TMEM120B: variants seen among roughly 807,000 people sequenced by gnomAD.
TMEM120B encodes the protein transmembrane protein 120B.
Under a neutral mutation model 55.5 loss-of-function variants are expected in TMEM120B, and 31 were observed. That is an observed-to-expected ratio of 0.56 (90% CI 0.42 to 0.75). TMEM120B has a LOEUF of 0.75. Among genes scored for constraint, TMEM120B ranks in the 30% least tolerant of loss-of-function variants. The pLI is 0.00. For synonymous variants in TMEM120B, 203 were observed against 176.3 expected (o/e 1.15, Z -1.20); for missense variants, 399 against 425.5 (o/e 0.94, Z 0.55).
In TMEM120B at chr12:121,748,440, CG is replaced by C; in HGVS notation, c.305+1del. On this transcript the variant is annotated frameshift_variant and splice_region_variant, in exon 3 of 12. Coordinates refer to ENST00000449592, the MANE Select transcript of TMEM120B (RefSeq NM_001080825.2). LOFTEE classifies it high-confidence loss of function. ...TGGAGGCCTACCTGCCCAAGAAGAA[CG>C]GGTAGGAGCTGGCAACCTCCCCACC... ...DMEAYLPKKN[G>X]LYLNLVLGNV... 6.2e-7 allele frequency: 1 copy of C among 1,604,160 alleles called. No individual in the cohort carries two copies. Among genetic ancestry groups the C allele is most frequent in the Non-Finnish European group, 8.5e-7 (1 of 1,174,056 alleles).
chr12:121,778,392 A>C lies in TMEM120B; in HGVS notation c.*2670A>C, dbSNP rs1166475591. ...CTTGAACCCAGGAGGTGGAGCTTGC[A>C]GTGAGCCAAGATCATGCCACTGCAC... On this transcript the variant is annotated 3_prime_UTR_variant, in exon 12 of 12. Coordinates refer to ENST00000449592, the MANE Select transcript of TMEM120B (RefSeq NM_001080825.2). 3 of 149,514 alleles carry C rather than the reference A, an allele frequency of 2.0e-5. No homozygotes were observed. Among genetic ancestry groups the C allele is most frequent in the Non-Finnish European group, 4.4e-5 (3 of 67,838 alleles). 9.3% of individuals were successfully genotyped at this position (149,514 alleles called of 1,614,324 possible).
chr12:121,768,872 G>A (rs1873932092), intron 6 of TMEM120B, among the ~76,000 whole-genome samples: 1 of 152,140 alleles, frequency 6.6e-6, no homozygotes, highest in Non-Finnish European at 1.5e-5. Flanking sequence ...TGGGCCGGGT[G>A]CAGTGACTCA....
intron 1 of TMEM120B, among the ~76,000 whole-genome samples, chr12:121,715,016 A>G (rs560675756): frequency 2.6e-5 from 4 of 152,076 alleles, no homozygotes; most frequent in Non-Finnish European, 4.4e-5. Flanking sequence ...TGCCTTAGAC[A>G]AGGAGGAGGA....
intron 1 of TMEM120B, among the ~76,000 whole-genome samples, chr12:121,713,736 C>T (rs1036320469): frequency 3.3e-5 from 5 of 152,100 alleles, no homozygotes; most frequent in Admixed American, 6.6e-5. Context: ...TTCAGAGAGG[C>T]CCCAGCTACC....
At chr12:121,744,260 T>C (rs1873018856) in intron 2 of TMEM120B, among the ~76,000 whole-genome samples, 1 of 152,170 alleles carries the variant, frequency 6.6e-6, no homozygotes. Flanking sequence ...GCCGACATTC[T>C]GGGTTCAGTC....
intron 1 of TMEM120B, among the ~76,000 whole-genome samples, chr12:121,727,682 G>C (rs1894922110): frequency 6.6e-6 from 1 of 151,726 alleles, no homozygotes; most frequent in South Asian, 2.1e-4. Context: ...GACCATCCTG[G>C]CTAACACGGT....
Position 121,748,380 on chromosome 12 carries a change from G to T in TMEM120B, c.243G>T (p.Ala81=), listed in dbSNP as rs201083292. ...EEAELVQQMA[A]NIKERQDVFF... is the part of the protein sequence containing the mutation. ...CGGAGCTCGTTCAGCAGATGGCAGC[G>T]AACATCAAGGAGCGGCAGGACGTCT... Residue 81 remains alanine, a synonymous_variant, in exon 3 of 12, where the codon GCG becomes GCT. Transcript: ENST00000449592. 3 of 1,611,014 alleles carry T rather than the reference G, an allele frequency of 1.9e-6. No individual in the cohort carries two copies. In the South Asian group the frequency reaches 3.3e-5, roughly 18 times the overall value.
Position 121,748,342 on chromosome 12 carries a change from A to G in TMEM120B, c.205A>G (p.Ser69Gly). The G allele has an allele frequency of 6.2e-7, 1 of 1,610,506 alleles. No homozygotes were observed. The highest frequency in any genetic ancestry group is 8.5e-7 in the Non-Finnish European group (1 of 1,178,338). ...TGTCCGCAGGTGCAAACGCCATGCCAGTCGGGAGGAGGCGGAGCTCGTTCA... is the reference window on the plus strand; with the variant it reads ...TGTCCGCAGGTGCAAACGCCATGCCGGTCGGGAGGAGGCGGAGCTCGTTCA... ...LTLQRCKRHA[S>G]REEAELVQQM... Residue 69 changes from serine (S) to glycine (G), a missense_variant, in exon 3 of 12, where the codon AGT becomes GGT. Ser to Gly is a moderately conservative substitution (Grantham distance 56). Transcript: ENST00000449592.
intron 6 of TMEM120B, among the ~76,000 whole-genome samples, chr12:121,769,304 G>T (rs1873951590): frequency 6.6e-6 from 1 of 152,158 alleles, no homozygotes; most frequent in African/African-American, 2.4e-5. Flanking sequence ...TGGGCCTGGG[G>T]CATGTAGCTC....
chr12:121,713,267 G>A (rs1205959161), intron 1 of TMEM120B, among the ~76,000 whole-genome samples: 5 of 152,166 alleles, frequency 3.3e-5, no homozygotes, highest in Non-Finnish European at 7.4e-5. Context: ...TTCCAGGCGT[G>A]TTCATCTGTG....
intron 8 of TMEM120B, among the ~76,000 whole-genome samples, chr12:121,772,390 A>G (rs1183883770): frequency 6.6e-6 from 1 of 151,048 alleles, no homozygotes; most frequent in African/African-American, 2.4e-5. Context: ...TCTGCCACCC[A>G]AAGTGTTGGG....
intron 6 of TMEM120B, among the ~76,000 whole-genome samples, chr12:121,766,812 C>T (rs1255440376): frequency 6.6e-6 from 1 of 152,300 alleles, no homozygotes; most frequent in Admixed American, 6.5e-5. Flanking sequence ...ACAGTTAGTT[C>T]TGGGCCAGAA....
At chr12:121,748,135 AAGGTGGG>A (rs2137165828) in intron 2 of TMEM120B, among the ~76,000 whole-genome samples, 184 bp from the exon 3 acceptor site, 2 of 76,918 alleles carry the variant, frequency 2.6e-5, no homozygotes, top group Admixed American at 2.5e-4. Context: ...GCTGGGGTAG[AAGGTGGG>A]AGGCTGGGGT....
In TMEM120B at chr12:121,779,712, C is replaced by T. The variant is rs775142774; in HGVS notation, c.*3990C>T. On this transcript the variant is annotated 3_prime_UTR_variant, in exon 12 of 12. Transcript: ENST00000449592. ...TAGGTGAGGGGCCCCTGGAGGTCTC[C>T]TAGCACCACCTGGTGGGTTTGGGAC... 1.9e-5 allele frequency: 30 copies of T among 1,597,982 alleles called. No homozygotes were observed. In the African/African-American group the frequency reaches 3.7e-4, roughly 20 times the overall value.
intron 1 of TMEM120B, among the ~76,000 whole-genome samples, chr12:121,717,023 ATG>A (rs1894715795): frequency 1.3e-5 from 2 of 152,132 alleles, no homozygotes. Flanking sequence ...TGTGATTTGC[ATG>A]TGTCAGGGCC....
At chr12:121,732,878 C>T (rs1308980922) in intron 1 of TMEM120B, among the ~76,000 whole-genome samples, 1 of 151,238 alleles carries the variant, frequency 6.6e-6, no homozygotes, top group Non-Finnish European at 1.5e-5. Context: ...ACTTGGGAGG[C>T]TGAGGCAGGA....
chr12:121,737,009 T>C (rs116235962), intron 1 of TMEM120B, among the ~76,000 whole-genome samples: 1 of 152,262 alleles, frequency 6.6e-6, no homozygotes, highest in African/African-American at 2.4e-5. Flanking sequence ...CAAGAGCAAC[T>C]AGTTCCACTT....
intron 8 of TMEM120B, 60 bp downstream of exon 8, chr12:121,771,609 G>C (rs1296677145): frequency 2.0e-6 from 3 of 1,521,032 alleles, no homozygotes; most frequent in African/African-American, 1.4e-5. Flanking sequence ...CTTTCACCAA[G>C]GGAGGGCCCC....
intron 7 of TMEM120B, 117 bp downstream of exon 7, chr12:121,771,089 GA>G: frequency 8.8e-7 from 1 of 1,136,164 alleles, no homozygotes; most frequent in South Asian, 1.3e-5. Flanking sequence ...GCCAACTTGG[GA>G]AAGAAAGTAT....
Sources: gnomAD v4.1 joint callset for allele counts (sites outside exome capture counted in the v4.1 genomes callset) on GRCh38, gnomAD v4.1.1 for gene constraint, MANE v1.5 for transcripts, NCBI Gene and HGNC (gene_info 2026-07-23, HGNC 2026-07-21) for gene names.